Variants in PTPRD observed in about 807,000 individuals in gnomAD.
The protein encoded by PTPRD is receptor-type tyrosine-protein phosphatase delta.
In PTPRD, 34 loss-of-function variants were observed where a neutral mutation model predicts 214.5. That is an observed-to-expected ratio of 0.16 (90% confidence interval 0.12 to 0.21). The LOEUF (loss-of-function observed/expected upper bound fraction) is 0.21, where lower values mean the gene tolerates loss of function less well. PTPRD is among the 10% of genes least tolerant of loss of function. The probability of loss-of-function intolerance (pLI) is 1.00; values close to 1 mark genes in which losing one functional copy is unlikely to be tolerated. For missense variants in PTPRD, 2,545 were observed against 2,398.7 expected, an observed-to-expected ratio of 1.06 and a Z score of -1.27; for synonymous variants, 1,128 against 845.7, an observed-to-expected ratio of 1.33 and a Z score of -5.79.
At chr9:9,333,734 T>G (rs1309979753) in intron 9 of PTPRD, among the ~76,000 whole-genome samples, 1 of 151,624 alleles carries the variant, frequency 6.6e-6, no homozygotes, top group Non-Finnish European at 1.5e-5. Context: ...AACCAATAAT[T>G]TATAATACAT....
At chr9:10,568,547 C>T (rs1261070697) in intron 2 of PTPRD, among the ~76,000 whole-genome samples, 2 of 152,100 alleles carry the variant, frequency 1.3e-5, no homozygotes, top group East Asian at 3.9e-4. Flanking sequence ...GCCCCACTGA[C>T]TTCCACAATG....
intron 5 of PTPRD, among the ~76,000 whole-genome samples, chr9:9,788,078 C>A (rs2098939041): frequency 6.6e-6 from 1 of 151,190 alleles, no homozygotes; most frequent in South Asian, 2.1e-4. Flanking sequence ...GCCATCGCGC[C>A]CAGCCTGTAT....
intron 12 of PTPRD, among the ~76,000 whole-genome samples, chr9:8,637,105 T>A (rs1351697940): frequency 6.6e-6 from 1 of 152,090 alleles, no homozygotes; most frequent in Non-Finnish European, 1.5e-5. Context: ...TCCAATAACA[T>A]CCGAAAAGCA....
At chr9:9,982,649 A>G (rs189761317) in intron 4 of PTPRD, among the ~76,000 whole-genome samples, 89 of 152,228 alleles carry the variant, frequency 5.8e-4, no homozygotes, top group African/African-American at 1.9e-3. Flanking sequence ...ATTAGAGGTT[A>G]TGCAAGAATC....
intron 9 of PTPRD, among the ~76,000 whole-genome samples, chr9:9,255,529 G>A (rs1234779907): frequency 1.3e-5 from 2 of 152,088 alleles, no homozygotes; most frequent in East Asian, 3.9e-4. Context: ...CTAACAAAGA[G>A]AATGTATGTA....
chr9:9,526,994 C>T (rs2074275205), intron 8 of PTPRD, among the ~76,000 whole-genome samples: 1 of 152,072 alleles, frequency 6.6e-6, no homozygotes, highest in South Asian at 2.1e-4. Flanking sequence ...TTCAGTTTAA[C>T]ATCTCCTTAT....
chr9:10,254,178 T>C (rs915979345), intron 3 of PTPRD, among the ~76,000 whole-genome samples: 1 of 152,230 alleles, frequency 6.6e-6, no homozygotes, highest in African/African-American at 2.4e-5. Flanking sequence ...ATTTACCTTT[T>C]ATCATTTATA....
chr9:9,541,936 AG>A (rs2077678709), intron 8 of PTPRD, among the ~76,000 whole-genome samples: 1 of 151,780 alleles, frequency 6.6e-6, no homozygotes, highest in South Asian at 2.1e-4. Context: ...AAGATTCTAG[AG>A]AAAGAAGTTA....
chr9:9,603,388 C>G (rs2093921880), intron 7 of PTPRD, among the ~76,000 whole-genome samples: 1 of 152,056 alleles, frequency 6.6e-6, no homozygotes, highest in Admixed American at 6.6e-5. Context: ...CTATGGTACC[C>G]TAATTTCAAT....
intron 2 of PTPRD, among the ~76,000 whole-genome samples, chr9:10,482,154 G>A (rs531279156): frequency 1.8e-4 from 27 of 152,108 alleles, no homozygotes; most frequent in East Asian, 7.7e-4. Context: ...GGAGAATCAC[G>A]AGGTCAGGAG....
chr9:10,536,004 G>A (rs1377826828), intron 2 of PTPRD, among the ~76,000 whole-genome samples: 1 of 152,124 alleles, frequency 6.6e-6, no homozygotes, highest in African/African-American at 2.4e-5. Context: ...TAACCGTGAA[G>A]AGGGTATAAA....
At chr9:9,549,916 T>C (rs1054259909) in intron 8 of PTPRD, among the ~76,000 whole-genome samples, 1 of 151,994 alleles carries the variant, frequency 6.6e-6, no homozygotes, top group Admixed American at 6.6e-5. Flanking sequence ...AAAAGAATGA[T>C]GGATAAAAGT....
chr9:9,723,899 A>G (rs573180257), intron 7 of PTPRD, among the ~76,000 whole-genome samples: 2 of 152,168 alleles, frequency 1.3e-5, no homozygotes, highest in South Asian at 4.1e-4. Flanking sequence ...GTTCTGATAT[A>G]TATTTAAGTA....
At chr9:8,838,250 A>C (rs2097481243) in intron 11 of PTPRD, among the ~76,000 whole-genome samples, 1 of 152,116 alleles carries the variant, frequency 6.6e-6, no homozygotes, top group African/African-American at 2.4e-5. Context: ...TTCAAATTAA[A>C]AAAAAAAGAG....
Position 8,788,156 on chromosome 9 carries a change from A to G in PTPRD, c.-103-54210T>C, listed in dbSNP as rs532662831. Among the ~76,000 whole-genome samples the G allele has an allele frequency of 1.1e-4, 16 of 152,190 alleles. No homozygotes were observed. In the East Asian group the frequency reaches 3.1e-3, roughly 29 times the overall value. On this transcript the variant is annotated intron_variant, in intron 11 of 45. Coordinates refer to ENST00000381196, the MANE Select transcript of PTPRD (RefSeq NM_002839.4). ...ATCTGTTATTCTGCATTCAAAATTCATTTAGGACAACTAAATTAAGAAAGC... is the reference window on the plus strand; with the variant it reads ...ATCTGTTATTCTGCATTCAAAATTCGTTTAGGACAACTAAATTAAGAAAGC...
At chr9:9,003,105 C>T (rs924223059) in intron 11 of PTPRD, among the ~76,000 whole-genome samples, 7 of 151,936 alleles carry the variant, frequency 4.6e-5, no homozygotes, top group Non-Finnish European at 1.0e-4. Context: ...CGTTAGGTAA[C>T]TCTGTTTGGA....
At chr9:8,695,420 C>A (rs2097891357) in intron 12 of PTPRD, among the ~76,000 whole-genome samples, 1 of 151,584 alleles carries the variant, frequency 6.6e-6, no homozygotes, top group African/African-American at 2.4e-5. Flanking sequence ...GCATACACAG[C>A]AGGTTACTAT....
intron 12 of PTPRD, among the ~76,000 whole-genome samples, chr9:8,712,828 C>T (rs1224440223): frequency 6.6e-6 from 1 of 152,122 alleles, no homozygotes; most frequent in Non-Finnish European, 1.5e-5. Flanking sequence ...AAGTGATTCT[C>T]CTGTCTCAGC....
At chr9:8,967,363 A>T (rs1369221877) in intron 11 of PTPRD, among the ~76,000 whole-genome samples, 2 of 152,146 alleles carry the variant, frequency 1.3e-5, no homozygotes, top group Non-Finnish European at 1.5e-5. Flanking sequence ...AAAAAGACAC[A>T]TGCACTTGCA....
Sources: allele counts gnomAD v4.1 joint callset (sites outside exome capture counted in the v4.1 genomes callset), GRCh38; gene constraint gnomAD v4.1.1; transcripts MANE v1.5; gene names NCBI Gene and HGNC (gene_info 2026-07-23, HGNC 2026-07-21).